ANO3: variants seen among roughly 807,000 people sequenced by gnomAD.
The protein encoded by ANO3 is anoctamin-3.
A neutral mutation model predicts 144.8 loss-of-function variants in ANO3; 99 were observed. The observed-to-expected ratio is 0.68, with a 90% confidence interval of 0.58 to 0.81. ANO3 has a LOEUF of 0.81. ANO3 is among the 30% of genes least tolerant of loss of function. The probability of loss-of-function intolerance (pLI) is 0.00; values close to 1 mark genes in which losing one functional copy is unlikely to be tolerated. For synonymous variants in ANO3, 414 were observed against 392.6 expected, an observed-to-expected ratio of 1.05 and a Z score of -0.64; for missense variants, 905 against 1,202.2, an observed-to-expected ratio of 0.75 and a Z score of 3.66.
At chr11:26,441,687 G>A (rs1858527498) in intron 1 of ANO3, among the ~76,000 whole-genome samples, 1 of 152,018 alleles carries the variant, frequency 6.6e-6, no homozygotes, top group Non-Finnish European at 1.5e-5. Context: ...TTAAAGGAGT[G>A]GTGAAAGCTC....
chr11:26,516,688 C>T, intron 5 of ANO3, 139 bp from the exon 6 acceptor site: 8 of 471,684 alleles, frequency 1.7e-5, no homozygotes, highest in South Asian at 4.6e-5. Flanking sequence ...TTTTTTTATC[C>T]ATATAAATTT....
chr11:26,280,602 C>T (rs1853656385), intron 1 of ANO3, among the ~76,000 whole-genome samples: 1 of 152,160 alleles, frequency 6.6e-6, no homozygotes, highest in African/African-American at 2.4e-5. Flanking sequence ...TGGTTCCCAC[C>T]CAGATTGGCG....
At chr11:26,510,237 C>G (rs1021953872) in intron 5 of ANO3, among the ~76,000 whole-genome samples, 1 of 151,806 alleles carries the variant, frequency 6.6e-6, no homozygotes, top group Admixed American at 6.6e-5. Flanking sequence ...TGACTTGACT[C>G]TTTACAAGGA....
chr11:26,369,899 C>T (rs1856201315), intron 1 of ANO3, among the ~76,000 whole-genome samples: 1 of 152,114 alleles, frequency 6.6e-6, no homozygotes, highest in South Asian at 2.1e-4. Flanking sequence ...GTTCAATTTC[C>T]TGAACCCTGC....
intron 1 of ANO3, among the ~76,000 whole-genome samples, chr11:26,217,800 T>A (rs1160324290): frequency 2.0e-5 from 3 of 151,038 alleles, no homozygotes; most frequent in African/African-American, 7.3e-5. Flanking sequence ...AAATTTAAAA[T>A]GTTTTAAATT....
intron 14 of ANO3, among the ~76,000 whole-genome samples, chr11:26,587,277 A>G (rs1324401052): frequency 6.6e-6 from 1 of 152,208 alleles, no homozygotes; most frequent in Admixed American, 6.5e-5. Context: ...GGGTGTGTCT[A>G]GATGAACTAA....
intron 1 of ANO3, among the ~76,000 whole-genome samples, chr11:26,199,031 T>A (rs1326234251): frequency 6.6e-6 from 1 of 152,124 alleles, no homozygotes; most frequent in Non-Finnish European, 1.5e-5. Context: ...AAAGCAAACC[T>A]CAAATCCTAA....
At chr11:26,444,355 T>G (rs1176120692) in intron 3 of ANO3, among the ~76,000 whole-genome samples, 1 of 152,254 alleles carries the variant, frequency 6.6e-6, no homozygotes, top group Non-Finnish European at 1.5e-5. Context: ...TTGAATTGGG[T>G]TTTCATTTTC....
intron 1 of ANO3, among the ~76,000 whole-genome samples, chr11:26,437,801 C>T (rs1298708598): frequency 2.6e-5 from 4 of 152,152 alleles, no homozygotes; most frequent in Admixed American, 6.5e-5. Flanking sequence ...CTGATTTAAA[C>T]ACATACACAC....
intron 1 of ANO3, among the ~76,000 whole-genome samples, chr11:26,289,223 G>C (rs1199115949): frequency 6.6e-6 from 1 of 151,892 alleles, no homozygotes; most frequent in Non-Finnish European, 1.5e-5. Flanking sequence ...GATAAACCTT[G>C]AAATCAGCAG....
chr11:26,488,988 A>C (rs930773373), intron 4 of ANO3, among the ~76,000 whole-genome samples: 1 of 152,272 alleles, frequency 6.6e-6, no homozygotes, highest in African/African-American at 2.4e-5. Context: ...ATAATCCTTT[A>C]GCTAGACACA....
intron 1 of ANO3, among the ~76,000 whole-genome samples, chr11:26,310,918 G>A (rs769125569): frequency 7.2e-5 from 11 of 152,060 alleles, no homozygotes; most frequent in Non-Finnish European, 1.6e-4. Context: ...GAAGCAACTG[G>A]TAAACCAGAT....
chr11:26,546,357 A>C (rs931533227), intron 11 of ANO3, among the ~76,000 whole-genome samples: 1 of 152,016 alleles, frequency 6.6e-6, no homozygotes, highest in South Asian at 2.1e-4. Flanking sequence ...TAGAATATGC[A>C]AAAGATTTAA....
chr11:26,454,367 A>T (rs1859066484), intron 3 of ANO3, among the ~76,000 whole-genome samples: 1 of 151,946 alleles, frequency 6.6e-6, no homozygotes, highest in South Asian at 2.1e-4. Context: ...AGAATCAAAT[A>T]GACGCAATAA....
intron 1 of ANO3, among the ~76,000 whole-genome samples, chr11:26,292,649 T>C (rs929929125): frequency 1.3e-5 from 2 of 152,172 alleles, no homozygotes; most frequent in Non-Finnish European, 2.9e-5. Context: ...TGTTTGTTAG[T>C]TTTCCTTCTA....
In ANO3 at chr11:26,598,459, G is replaced by A; in HGVS notation, c.1530+12G>A. 6 of 1,553,332 alleles carry A rather than the reference G, an allele frequency of 3.9e-6. No individual in the cohort carries two copies. In the African/African-American group the frequency reaches 4.1e-5, roughly 11 times the overall value. On this transcript the variant is annotated intron_variant, in intron 15 of 26. Transcript: ENST00000256737. ...GGGAAGAAGAGGAGGTAAGATGTTA[G>A]GATACAAGGAAATAGGGAAACTGGG... is the stretch of plus-strand genomic sequence containing the variant.
chr11:26,631,322 A>G (rs1240298150), intron 18 of ANO3, among the ~76,000 whole-genome samples: 1 of 151,814 alleles, frequency 6.6e-6, no homozygotes, highest in Non-Finnish European at 1.5e-5. Flanking sequence ...TGTTTATTTT[A>G]TTGTTTTTGT....
chr11:26,533,275 T>C (rs945315330), intron 8 of ANO3, among the ~76,000 whole-genome samples: 1 of 152,092 alleles, frequency 6.6e-6, no homozygotes, highest in African/African-American at 2.4e-5. Flanking sequence ...TAAAAATATG[T>C]AGTGGCATGG....
At chr11:26,544,053 A>G (rs1029914614) in intron 11 of ANO3, among the ~76,000 whole-genome samples, 3 of 151,416 alleles carry the variant, frequency 2.0e-5, no homozygotes, top group African/African-American at 7.3e-5. Flanking sequence ...TATTATGAAC[A>G]TAGTGAAATG....
Sources: gnomAD v4.1 joint callset for allele counts (sites outside exome capture counted in the v4.1 genomes callset) on GRCh38, gnomAD v4.1.1 for gene constraint, MANE v1.5 for transcripts, NCBI Gene and HGNC (gene_info 2026-07-23, HGNC 2026-07-21) for gene names.